CDH18: variants seen among roughly 807,000 people sequenced by gnomAD.
CDH18 encodes cadherin 18, also known as cadherin-18.
CDH18 carries 31 observed loss-of-function variants against 67.9 expected under a neutral mutation model. The ratio of observed to expected loss-of-function variants is 0.46; its 90% CI spans 0.34 to 0.62. The LOEUF (loss-of-function observed/expected upper bound fraction) is 0.62, where lower values mean the gene tolerates loss of function less well. Ranked by LOEUF, CDH18 falls within the 20% of genes least tolerant of loss-of-function variation. CDH18 has a pLI of 0.01. For synonymous variants in CDH18, 362 were observed against 347.2 expected (o/e 1.04, Z -0.48); for missense variants, 890 against 975.5 (o/e 0.91, Z 1.17).
chr5:20,041,933 T>C (rs1740460096), intron 2 of CDH18, among the ~76,000 whole-genome samples: 1 of 152,232 alleles, frequency 6.6e-6, no homozygotes, highest in Non-Finnish European at 1.5e-5. Flanking sequence ...TGTAATACCA[T>C]ATGCCTTTAC....
At chr5:20,241,987 T>C (rs1422039652) in intron 2 of CDH18, among the ~76,000 whole-genome samples, 1 of 150,272 alleles carries the variant, frequency 6.7e-6, no homozygotes, top group African/African-American at 2.5e-5. Flanking sequence ...GCATAAAAAG[T>C]TGAGGAAATG....
intron 5 of CDH18, among the ~76,000 whole-genome samples, chr5:19,622,993 T>C (rs1356656872): frequency 1.3e-5 from 2 of 152,208 alleles, no homozygotes; most frequent in East Asian, 1.9e-4. Flanking sequence ...TCTAGATCAA[T>C]TGCTAAGACC....
At chr5:20,500,378 C>T (rs1251261848) in intron 1 of CDH18, among the ~76,000 whole-genome samples, 1 of 152,120 alleles carries the variant, frequency 6.6e-6, no homozygotes, top group Non-Finnish European at 1.5e-5. Context: ...CTAACAAATG[C>T]TGGGTTTCAA....
At chr5:20,083,800 C>T (rs1470535788) in intron 2 of CDH18, among the ~76,000 whole-genome samples, 2 of 152,144 alleles carry the variant, frequency 1.3e-5, no homozygotes, top group Non-Finnish European at 2.9e-5. Context: ...TGCAGGGGAA[C>T]TCCTATTTTT....
chr5:20,565,194 T>A (rs1020574344), intron 1 of CDH18, among the ~76,000 whole-genome samples: 2 of 152,204 alleles, frequency 1.3e-5, no homozygotes, highest in Non-Finnish European at 2.9e-5. Flanking sequence ...TTCAGATATA[T>A]GTGAACTGGC....
At chr5:20,238,774 C>T (rs924162883) in intron 2 of CDH18, among the ~76,000 whole-genome samples, 1 of 152,094 alleles carries the variant, frequency 6.6e-6, no homozygotes, top group Non-Finnish European at 1.5e-5. Flanking sequence ...ACACTGTAGA[C>T]AATCCAAATG....
intron 8 of CDH18, among the ~76,000 whole-genome samples, chr5:19,549,300 G>A (rs1444077595): frequency 1.3e-5 from 2 of 152,024 alleles, no homozygotes; most frequent in Admixed American, 6.6e-5. Context: ...TCTCACTCCT[G>A]TTCCCACTCT....
chr5:20,085,651 C>T (rs1221174634), intron 2 of CDH18, among the ~76,000 whole-genome samples: 2 of 152,134 alleles, frequency 1.3e-5, no homozygotes, highest in African/African-American at 2.4e-5. Context: ...CTGGGGAAGC[C>T]TCACAATCAT....
intron 2 of CDH18, among the ~76,000 whole-genome samples, chr5:19,979,215 A>AGT (rs113093535): frequency 0.23 from 33,410 of 146,666 alleles, 3,779 homozygotes; most frequent in African/African-American, 0.27. Flanking sequence ...GTGGGGATGG[A>AGT]GTGTGTGTGT....
chr5:20,488,512 C>T (rs961133511), intron 1 of CDH18, among the ~76,000 whole-genome samples: 1 of 151,824 alleles, frequency 6.6e-6, no homozygotes, highest in African/African-American at 2.4e-5. Context: ...GATGTTGTTT[C>T]CATCCATTAA....
intron 6 of CDH18, among the ~76,000 whole-genome samples, chr5:19,606,873 A>G (rs1212494883): frequency 6.6e-6 from 1 of 151,836 alleles, no homozygotes; most frequent in Non-Finnish European, 1.5e-5. Context: ...ACCTAGGTGC[A>G]TTGTAGGTTA....
At chr5:20,171,172 T>C (rs1736681654) in intron 2 of CDH18, among the ~76,000 whole-genome samples, 1 of 152,154 alleles carries the variant, frequency 6.6e-6, no homozygotes, top group Non-Finnish European at 1.5e-5. Context: ...AGTGCTGCAA[T>C]ATACATATTC....
chr5:20,157,752 C>T (rs1751648266), intron 2 of CDH18, among the ~76,000 whole-genome samples: 1 of 151,744 alleles, frequency 6.6e-6, no homozygotes, highest in Non-Finnish European at 1.5e-5. Flanking sequence ...AAGTGATTCT[C>T]CTGCCCCAGC....
chr5:20,224,882 T>C (rs2126469001), intron 2 of CDH18, among the ~76,000 whole-genome samples: 1 of 152,226 alleles, frequency 6.6e-6, no homozygotes, highest in Non-Finnish European at 1.5e-5. Flanking sequence ...ATCTCTAATA[T>C]ATAAACATGC....
Position 19,777,045 on chromosome 5 carries a change from C to T in CDH18, c.229-29809G>A, listed in dbSNP as rs528585105. Reference sequence around the variant, plus strand: ...CTGTAATCTCAGCACTTTGGGAAGCCGAGGTGGATGGATCAGTTGAGGTCA... The same window carrying T: ...CTGTAATCTCAGCACTTTGGGAAGCTGAGGTGGATGGATCAGTTGAGGTCA... On this transcript the variant is annotated intron_variant, in intron 3 of 12. Transcript: ENST00000382275. 2.3e-4 allele frequency among the ~76,000 whole-genome samples: 35 copies of T among 152,078 alleles called. 1 individual carries two copies. The highest frequency in any genetic ancestry group is 3.4e-3 in the Middle Eastern group (1 of 294).
intron 2 of CDH18, among the ~76,000 whole-genome samples, chr5:19,939,768 G>A (rs1794636886): frequency 1.3e-5 from 2 of 151,650 alleles, no homozygotes; most frequent in Non-Finnish European, 3.0e-5. Flanking sequence ...TGATCATTTC[G>A]ATTTGTTAAA....
chr5:20,304,146 C>G, intron 1 of CDH18: 1 of 1,577,118 alleles, frequency 6.3e-7, no homozygotes, highest in South Asian at 1.1e-5. Context: ...GCATTCTTCT[C>G]GTCAATTGGT....
intron 10 of CDH18, among the ~76,000 whole-genome samples, chr5:19,505,161 T>G (rs146270487): frequency 0.011 from 1,675 of 152,252 alleles, 17 homozygotes; most frequent in South Asian, 0.031. Context: ...TTTTGCACAT[T>G]GATTTTGTAT....
intron 5 of CDH18, among the ~76,000 whole-genome samples, chr5:19,671,320 A>T (rs2150351009): frequency 6.6e-6 from 1 of 152,296 alleles, no homozygotes; most frequent in South Asian, 2.1e-4. Context: ...GAAGGTAATT[A>T]AGAAAAAATA....
Sources: gnomAD v4.1 joint callset for allele counts (sites outside exome capture counted in the v4.1 genomes callset) on GRCh38, gnomAD v4.1.1 for gene constraint, MANE v1.5 for transcripts, NCBI Gene and HGNC (gene_info 2026-07-23, HGNC 2026-07-21) for gene names.